TNR: variants seen among roughly 807,000 people sequenced by gnomAD.
TNR encodes the protein tenascin-R.
Under a neutral mutation model 150.4 loss-of-function variants are expected in TNR, and 45 were observed. That is an observed-to-expected ratio of 0.30 (90% confidence interval 0.24 to 0.38). The LOEUF (loss-of-function observed/expected upper bound fraction) is 0.38. Ranked by LOEUF, TNR falls within the 10% of genes least tolerant of loss-of-function variation. The pLI is 1.00. For synonymous variants in TNR, 687 were observed against 678.4 expected, an observed-to-expected ratio of 1.01 and a Z score of -0.20; for missense variants, 1,544 against 1,759.1, an observed-to-expected ratio of 0.88 and a Z score of 2.19.
intron 2 of TNR, among the ~76,000 whole-genome samples, chr1:175,512,194 G>A (rs1185888763): frequency 6.6e-6 from 1 of 152,218 alleles, no homozygotes; most frequent in Non-Finnish European, 1.5e-5. Context: ...GGGAAAGTGA[G>A]CCATTTAGAA....
At chr1:175,638,971 T>C (rs1664568938) in intron 1 of TNR, among the ~76,000 whole-genome samples, 1 of 152,226 alleles carries the variant, frequency 6.6e-6, no homozygotes, top group African/African-American at 2.4e-5. Context: ...GACTTCTCTC[T>C]TTCTGTCAAC....
intron 2 of TNR, among the ~76,000 whole-genome samples, chr1:175,506,743 G>C (rs1424127449): frequency 6.6e-6 from 1 of 152,170 alleles, no homozygotes; most frequent in Non-Finnish European, 1.5e-5. Context: ...CACTTGCTAG[G>C]GCAGTCCAAG....
At chr1:175,363,859 C>T (rs758121935) in intron 12 of TNR, 32 bp from the exon 13 acceptor site, 12 of 1,589,196 alleles carry the variant, frequency 7.6e-6, no homozygotes, top group Non-Finnish European at 1.0e-5. Context: ...GGGAAAAAGA[C>T]AGAAAGCACA....
Position 175,323,231 on chromosome 1 carries a change from C to G in TNR, c.*126G>C, listed in dbSNP as rs1649159852. 4 of 1,275,202 alleles carry G rather than the reference C, an allele frequency of 3.1e-6. No individual in the cohort carries two copies. Among genetic ancestry groups the G allele is most frequent in the Non-Finnish European group, 4.3e-6 (4 of 937,628 alleles). The allele number at this position is 1,275,202 out of a possible 1,614,324, so 79.0% of individuals were successfully genotyped here. A position where few individuals can be genotyped will look rare whatever the true frequency, so the allele number is the denominator to read the frequency against. On this transcript the variant is annotated 3_prime_UTR_variant, in exon 23 of 23. Transcript: ENST00000367674. ...GTTAGCCAGCGGATTCCTGCGACAT[C>G]CCTGCTTCCTTCACATACTCTTAAT... is the stretch of plus-strand genomic sequence containing the variant.
At chr1:175,694,284 T>C (rs978628795) in intron 1 of TNR, among the ~76,000 whole-genome samples, 1 of 152,234 alleles carries the variant, frequency 6.6e-6, no homozygotes, top group Non-Finnish European at 1.5e-5. Context: ...CTTCTGAATC[T>C]GGACCTGTTC....
At chr1:175,560,230 C>T (rs1661366412) in intron 1 of TNR, among the ~76,000 whole-genome samples, 1 of 152,204 alleles carries the variant, frequency 6.6e-6, no homozygotes, top group Non-Finnish European at 1.5e-5. Context: ...GTCCCATAGT[C>T]TGTAGATATA....
intron 1 of TNR, among the ~76,000 whole-genome samples, chr1:175,616,064 T>C (rs958586408): frequency 2.0e-5 from 3 of 152,224 alleles, no homozygotes; most frequent in Non-Finnish European, 2.9e-5. Flanking sequence ...GCATAGGCTC[T>C]GTTCTTTCTG....
At chr1:175,586,585 C>T (rs764165401) in intron 1 of TNR, among the ~76,000 whole-genome samples, 7 of 152,168 alleles carry the variant, frequency 4.6e-5, no homozygotes, top group Admixed American at 2.0e-4. Context: ...GGACTACAAG[C>T]GTGAGCCACC....
intron 15 of TNR, among the ~76,000 whole-genome samples, chr1:175,358,403 G>A (rs953763494): frequency 6.6e-6 from 1 of 152,174 alleles, no homozygotes; most frequent in Non-Finnish European, 1.5e-5. Context: ...AAGTAGTTTC[G>A]ATAAAACTTA....
chr1:175,521,895 A>G (rs1659655361), intron 2 of TNR, among the ~76,000 whole-genome samples: 1 of 152,102 alleles, frequency 6.6e-6, no homozygotes, highest in Non-Finnish European at 1.5e-5. Flanking sequence ...ATGCACTGCT[A>G]TTTTGTTTGT....
intron 1 of TNR, among the ~76,000 whole-genome samples, chr1:175,636,017 C>T (rs573333363): frequency 6.6e-6 from 1 of 152,240 alleles, no homozygotes; most frequent in African/African-American, 2.4e-5. Flanking sequence ...ACCATGGGTG[C>T]CAGCTCCACC....
chr1:175,416,169 C>G (rs972427314), intron 2 of TNR, among the ~76,000 whole-genome samples: 1 of 151,950 alleles, frequency 6.6e-6, no homozygotes, highest in African/African-American at 2.4e-5. Flanking sequence ...CATATACAAA[C>G]ACACAGACAC....
intron 1 of TNR, among the ~76,000 whole-genome samples, chr1:175,649,875 T>G (rs1483758457): frequency 6.6e-6 from 1 of 152,236 alleles, no homozygotes; most frequent in East Asian, 1.9e-4. Context: ...TGTATTCTCC[T>G]GATCCATATC....
rs1663085256 is a variant in TNR, at chr1:175,598,209, G to C, written c.-164-69840C>G. Among the ~76,000 whole-genome samples the C allele has an allele frequency of 2.0e-5, 3 of 152,280 alleles. No individual in the cohort carries two copies. The South Asian group carries it at 6.2e-4, about 32-fold the overall frequency. On this transcript the variant is annotated intron_variant, in intron 1 of 22. Coordinates refer to ENST00000367674, the MANE Select transcript of TNR (RefSeq NM_003285.3). ...GTATGAACTTCCCTCAGGAAGTAAA[G>C]ATCACCATGCAAATGCGAGGTGTTT... is the stretch of plus-strand genomic sequence containing the variant.
intron 1 of TNR, among the ~76,000 whole-genome samples, chr1:175,632,474 T>A (rs957061491): frequency 6.6e-6 from 1 of 152,006 alleles, no homozygotes; most frequent in African/African-American, 2.4e-5. Flanking sequence ...GAAAATAGAG[T>A]CTATATGGGT....
chr1:175,403,051 A>T, intron 4 of TNR, 89 bp downstream of exon 4: 2 of 1,126,290 alleles, frequency 1.8e-6, no homozygotes, highest in Non-Finnish European at 1.3e-6. Flanking sequence ...TCACTTTCTC[A>T]CTCATCTTTC....
chr1:175,419,113 AT>A (rs1654637383), intron 2 of TNR, among the ~76,000 whole-genome samples: 2 of 152,162 alleles, frequency 1.3e-5, no homozygotes, highest in African/African-American at 4.8e-5. Flanking sequence ...AGGGTACATA[AT>A]TTCTTAAATC....
intron 1 of TNR, among the ~76,000 whole-genome samples, chr1:175,707,303 G>T (rs908860847): frequency 6.6e-6 from 1 of 151,956 alleles, no homozygotes; most frequent in Non-Finnish European, 1.5e-5. Context: ...ATGTTATGTG[G>T]ATTCCTATTC....
Position 175,497,251 on chromosome 1 carries a change from C to T in TNR, c.-64+31018G>A, listed in dbSNP as rs77756245. 1.6e-4 allele frequency among the ~76,000 whole-genome samples: 25 copies of T among 152,246 alleles called. No homozygotes were observed. The East Asian group carries it at 4.1e-3, about 25-fold the overall frequency. On this transcript the variant is annotated intron_variant, in intron 2 of 22. Transcript: ENST00000367674. ...TCACTTCTCCTCGGTTTTGGTTTGG[C>T]GTGGGAGCAGAATCCGCTAACTCTG...
Sources: gnomAD v4.1 joint callset for allele counts (sites outside exome capture counted in the v4.1 genomes callset) on GRCh38, gnomAD v4.1.1 for gene constraint, MANE v1.5 for transcripts, NCBI Gene and HGNC (gene_info 2026-07-23, HGNC 2026-07-21) for gene names.